The following DEFB118 variants were observed in gnomAD, a reference collection of about 807,000 sequenced individuals.
DEFB118 encodes defensin, beta 18.
A neutral mutation model predicts 2.8 loss-of-function variants in DEFB118; 3 were observed. That is an observed-to-expected ratio of 1.09 (90% CI 0.50 to 2.82). The LOEUF is 2.82. Among genes scored for constraint, DEFB118 ranks in the 30% most tolerant of loss-of-function variants. The probability of loss-of-function intolerance (pLI) is 0.04; values close to 1 mark genes in which losing one functional copy is unlikely to be tolerated. For synonymous variants in DEFB118, 63 were observed against 53.5 expected, an observed-to-expected ratio of 1.18 and a Z score of -0.78; for missense variants, 159 against 144.6, an observed-to-expected ratio of 1.10 and a Z score of -0.51.
rs1431945190 is a variant in DEFB118 at position 31,372,934 on chromosome 20, G to A, written c.136G>A (p.Asp46Asn). 1 of 1,614,204 alleles carries A rather than the reference G, an allele frequency of 6.2e-7. No homozygotes were observed. The highest frequency in any genetic ancestry group is 1.7e-5 in the Admixed American group (1 of 60,030). ...ATGCAAAGATGGAGAAGCAGTGAAA[G>A]ATACATGCAAAAATCTTCGAGCTTG... Reference protein sequence around the residue: ...KQCKDGEAVKDTCKNLRACCI... With the variant: ...KQCKDGEAVKNTCKNLRACCI... The change falls in exon 2 of 2, where the codon GAT becomes AAT. Residue 46 changes from aspartate to asparagine, a missense_variant. Asp to Asn is a conservative substitution (Grantham distance 23). Coordinates refer to ENST00000253381, the MANE Select transcript of DEFB118 (RefSeq NM_054112.3).
intron 1 of DEFB118, among the ~76,000 whole-genome samples, 197 bp downstream of exon 1, chr20:31,368,905 T>C (rs1354372304): frequency 6.6e-6 from 1 of 152,184 alleles, no homozygotes; most frequent in Admixed American, 6.5e-5. Context: ...CATCCAGAGT[T>C]GTCCTTGGTT....
In DEFB118 at chr20:31,372,855, A is replaced by T; in HGVS notation, c.59-2A>T. 1 of 1,608,620 alleles carries T rather than the reference A, an allele frequency of 6.2e-7. No individual in the cohort carries two copies. Among genetic ancestry groups the T allele is most frequent in the South Asian group, 1.1e-5 (1 of 90,782 alleles). On this transcript the variant is annotated splice_acceptor_variant, in intron 1 of 1. Transcript: ENST00000253381. LOFTEE classifies it high-confidence loss of function. ...TCAATGGTCTTTCCTTTTATTATTC[A>T]GCCTATAGTGGTGAAAAAAAATGCT...
intron 1 of DEFB118, among the ~76,000 whole-genome samples, chr20:31,371,608 C>A (rs1480355643): frequency 1.3e-5 from 2 of 152,106 alleles, no homozygotes; most frequent in African/African-American, 4.8e-5. Context: ...GTAGCTGTGA[C>A]AATAGGCATG....
At position 31,368,675 on chromosome 20, in the gene DEFB118, C is replaced by T. The variant is rs1360293476; in HGVS notation, c.25C>T (p.Pro9Ser). The change falls in exon 1 of 2, where the codon CCT (proline) becomes TCT (serine). Residue 9 changes from proline (P) to serine (S), a missense_variant. Pro to Ser is a moderately conservative substitution (Grantham distance 74). Transcript: ENST00000253381. ...CATGAAACTCCTGCTGCTGGCTCTT[C>T]CTATGCTTGTGCTCCTACCCCAAGT... MKLLLLAL[P>S]MLVLLPQVIP... is the part of the protein sequence containing the mutation. 6.2e-7 allele frequency: 1 copy of T among 1,613,820 alleles called. No individual in the cohort carries two copies. The highest frequency in any genetic ancestry group is 1.7e-5 in the Admixed American group (1 of 60,002).
In DEFB118 at chr20:31,369,970, C is replaced by G. The variant is rs571884211; in HGVS notation, c.58+1262C>G. ...TAAATGTAAGTCTGGTGGGGGTGGGCAAGAAAATTAAAAATATATATTTGT... is the reference window on the plus strand; with the variant it reads ...TAAATGTAAGTCTGGTGGGGGTGGGGAAGAAAATTAAAAATATATATTTGT... On this transcript the variant is annotated intron_variant, in intron 1 of 1. Coordinates refer to ENST00000253381, the MANE Select transcript of DEFB118 (RefSeq NM_054112.3). Among the ~76,000 whole-genome samples, 78 of 151,950 alleles carry G rather than the reference C, an allele frequency of 5.1e-4. 1 individual carries two copies. Among genetic ancestry groups the G allele is most frequent in the Non-Finnish European group, 8.5e-4 (58 of 67,976 alleles).
chr20:31,372,860 A>G lies in DEFB118; in HGVS notation c.62A>G (p.Tyr21Cys). 6.2e-7 allele frequency: 1 copy of G among 1,613,434 alleles called. No individual in the cohort carries two copies. Among genetic ancestry groups the G allele is most frequent in the Non-Finnish European group, 8.5e-7 (1 of 1,179,538 alleles). Residue 21 changes from tyrosine (Y) to cysteine (C), a missense_variant, in exon 2 of 2, where the codon TAT becomes TGT. Tyr to Cys is a radical substitution (Grantham distance 194, BLOSUM62 -2). Coordinates refer to ENST00000253381, the MANE Select transcript of DEFB118 (RefSeq NM_054112.3). ...LVLLPQVIPA[Y>C]SGEKKCWNRS... The stretch of plus-strand genomic sequence containing the variant: ...GGTCTTTCCTTTTATTATTCAGCCT[A>G]TAGTGGTGAAAAAAAATGCTGGAAC...
In DEFB118 at chr20:31,372,879, C is replaced by G; in HGVS notation, c.81C>G (p.Cys27Trp). Residue 27 changes from cysteine to tryptophan, a missense_variant, in exon 2 of 2, where the codon TGC (cysteine) becomes TGG (tryptophan). Coordinates refer to ENST00000253381, the MANE Select transcript of DEFB118 (RefSeq NM_054112.3). ...VIPAYSGEKK[C>W]WNRSGHCRKQ... The stretch of plus-strand genomic sequence containing the variant: ...CAGCCTATAGTGGTGAAAAAAAATG[C>G]TGGAACAGATCAGGGCACTGCAGGA... 6.2e-7 allele frequency: 1 copy of G among 1,613,950 alleles called. No homozygotes were observed. Among genetic ancestry groups the G allele is most frequent in the Non-Finnish European group, 8.5e-7 (1 of 1,179,932 alleles).
Position 31,373,012 on chromosome 20 carries a change from C to G in DEFB118, c.214C>G (p.Pro72Ala), listed in dbSNP as rs1307175888. 12 of 1,614,184 alleles carry G rather than the reference C, an allele frequency of 7.4e-6. No homozygotes were observed. Among genetic ancestry groups the G allele is most frequent in the African/African-American group, 1.3e-5 (1 of 75,054 alleles). The change falls in exon 2 of 2, where the codon CCC becomes GCC. Residue 72 changes from proline (P) to alanine (A), a missense_variant. Physicochemically the swap from Pro to Ala is conservative, Grantham distance 27. Transcript: ENST00000253381. Reference protein sequence around the residue: ...HRRVPATSPTPLSDSTPGIID... With the variant: ...HRRVPATSPTALSDSTPGIID... ...GCGAGTTCCTGCGACATCTCCCACA[C>G]CCTTGAGTGACTCAACACCAGGAAT...
At chr20:31,370,203 G>A (rs2122269425) in intron 1 of DEFB118, among the ~76,000 whole-genome samples, 1 of 152,206 alleles carries the variant, frequency 6.6e-6, no homozygotes, top group Non-Finnish European at 1.5e-5. Context: ...AGGGATTCTG[G>A]GTAACCAGAA....
chr20:31,369,282 G>T (rs1213536896), intron 1 of DEFB118, among the ~76,000 whole-genome samples: 1 of 151,832 alleles, frequency 6.6e-6, no homozygotes, highest in Non-Finnish European at 1.5e-5. Flanking sequence ...GTTTTTCAAG[G>T]TGCATTTCAA....
chr20:31,368,788 TCC>T, intron 1 of DEFB118, 80 bp downstream of exon 1: 4 of 1,361,184 alleles, frequency 2.9e-6, no homozygotes, highest in Non-Finnish European at 4.2e-6. Flanking sequence ...GTCACGGTAC[TCC>T]CCAACATGGG....
chr20:31,368,601 A>G lies in DEFB118; in HGVS notation c.-50A>G, dbSNP rs769726323. ...AAACTCTTGTTCAGACTCACACTGC[A>G]CACAGTATTCTGAACTCCTGGATCT... is the stretch of plus-strand genomic sequence containing the variant. On this transcript the variant is annotated 5_prime_UTR_variant, in exon 1 of 2. Transcript: ENST00000253381. 1 of 1,584,714 alleles carries G rather than the reference A, an allele frequency of 6.3e-7. No homozygotes were observed. The highest frequency in any genetic ancestry group is 8.7e-7 in the Non-Finnish European group (1 of 1,153,682).
In DEFB118 at chr20:31,370,271, T is replaced by G. The variant is rs548774199; in HGVS notation, c.58+1563T>G. 3.0e-4 allele frequency among the ~76,000 whole-genome samples: 45 copies of G among 152,340 alleles called. 2 individuals are homozygous for G. The South Asian group carries it at 8.9e-3, about 30-fold the overall frequency. ...CACTGCCAGCAGAAATTGCCAACTC[T>G]GGGGGTTTTTAGTAATTCTTCAGTT... On this transcript the variant is annotated intron_variant, in intron 1 of 1. Coordinates refer to ENST00000253381, the MANE Select transcript of DEFB118 (RefSeq NM_054112.3).
chr20:31,369,865 G>A (rs1368310904), intron 1 of DEFB118, among the ~76,000 whole-genome samples: 1 of 152,068 alleles, frequency 6.6e-6, no homozygotes, highest in East Asian at 1.9e-4. Flanking sequence ...CAATGAATAT[G>A]CTTGTACAAA....
At chr20:31,372,217 C>T (rs1391725636) in intron 1 of DEFB118, among the ~76,000 whole-genome samples, 1 of 152,038 alleles carries the variant, frequency 6.6e-6, no homozygotes, top group African/African-American at 2.4e-5. Context: ...GGGATATGAC[C>T]AATGCAAATA....
chr20:31,372,331 C>A (rs552124403), intron 1 of DEFB118, among the ~76,000 whole-genome samples: 4 of 152,256 alleles, frequency 2.6e-5, no homozygotes, highest in Non-Finnish European at 5.9e-5. Context: ...GTGGGTGGAT[C>A]ATGAGGTCAA....
intron 1 of DEFB118, among the ~76,000 whole-genome samples, chr20:31,369,537 G>A (rs1198110969): frequency 6.6e-6 from 1 of 152,106 alleles, no homozygotes; most frequent in East Asian, 1.9e-4. Context: ...TTACAGGCAT[G>A]CACCATCATG....
rs1181366094 is a variant in DEFB118 at position 31,373,448 on chromosome 20, G to C, written c.*278G>C. On this transcript the variant is annotated 3_prime_UTR_variant, in exon 2 of 2. Coordinates refer to ENST00000253381, the MANE Select transcript of DEFB118 (RefSeq NM_054112.3). ...ACCTATGCACAACTTCAATAGCTTA[G>C]TTAGCTATTCCAACAACAATTTCTT... 2.4e-6 allele frequency: 1 copy of C among 409,836 alleles called. No individual in the cohort carries two copies. Among genetic ancestry groups the C allele is most frequent in the Non-Finnish European group, 4.4e-6 (1 of 229,344 alleles). The allele number at this position is 409,836 out of a possible 1,614,324, so 25.4% of individuals were successfully genotyped here.
At chr20:31,372,040 A>G (rs1239574861) in intron 1 of DEFB118, among the ~76,000 whole-genome samples, 1 of 152,202 alleles carries the variant, frequency 6.6e-6, no homozygotes, top group Non-Finnish European at 1.5e-5. Context: ...TTTATGGATG[A>G]GTAGTAATCC....
Sources: allele counts gnomAD v4.1 joint callset (sites outside exome capture counted in the v4.1 genomes callset), GRCh38; gene constraint gnomAD v4.1.1; transcripts MANE v1.5; gene names NCBI Gene and HGNC (gene_info 2026-07-23, HGNC 2026-07-21).